UGT1A9: variants seen among roughly 807,000 people sequenced by gnomAD.
The protein encoded by UGT1A9 is UDP-glucuronosyltransferase 1A9.
UGT1A9 carries 35 observed loss-of-function variants against 45.0 expected under a neutral mutation model. The observed-to-expected ratio is 0.78, with a 90% CI of 0.59 to 1.03. The LOEUF is 1.03. UGT1A9 is among the 50% of genes least tolerant of loss of function. The probability of loss-of-function intolerance (pLI) is 0.00; values close to 1 mark genes in which losing one functional copy is unlikely to be tolerated. For missense variants in UGT1A9, 687 were observed against 666.6 expected, an observed-to-expected ratio of 1.03 and a Z score of -0.34; for synonymous variants, 278 against 250.6, an observed-to-expected ratio of 1.11 and a Z score of -1.03.
intron 1 of UGT1A9, among the ~76,000 whole-genome samples, chr2:233,749,630 C>T (rs1185419016): frequency 6.6e-6 from 1 of 151,806 alleles, no homozygotes. Context: ...CTCTGTATCC[C>T]CCACCAAATC....
At chr2:233,707,418 T>G (rs752536700) in intron 1 of UGT1A9, among the ~76,000 whole-genome samples, 16 of 152,316 alleles carry the variant, frequency 1.1e-4, no homozygotes, top group Admixed American at 2.6e-4. Flanking sequence ...CTCCCTCGAC[T>G]ATTTCTTTGC....
At chr2:233,691,650 A>T (rs1174278220) in intron 1 of UGT1A9, 8 of 984,910 alleles carry the variant, frequency 8.1e-6, no homozygotes, top group Non-Finnish European at 2.4e-6. Flanking sequence ...GGCCAGTGTG[A>T]CCCTCCCTTT....
At chr2:233,759,591 C>T (rs984696431) in intron 1 of UGT1A9, among the ~76,000 whole-genome samples, 2 of 147,100 alleles carry the variant, frequency 1.4e-5, no homozygotes, top group Non-Finnish European at 3.0e-5. Context: ...GCACGCCCCC[C>T]ACCCCCGACC....
chr2:233,687,959 T>C (rs573648451), intron 1 of UGT1A9, among the ~76,000 whole-genome samples: 2 of 152,348 alleles, frequency 1.3e-5, no homozygotes, highest in East Asian at 3.9e-4. Context: ...AAAATTGATA[T>C]GTAATTCATG....
chr2:233,698,051 C>G (rs902797385), intron 1 of UGT1A9, among the ~76,000 whole-genome samples: 1 of 152,112 alleles, frequency 6.6e-6, no homozygotes, highest in Non-Finnish European at 1.5e-5. Context: ...AAGTTGTACT[C>G]AGTTATATTG....
chr2:233,718,825 C>T (rs771343471), intron 1 of UGT1A9: 9 of 1,613,344 alleles, frequency 5.6e-6, no homozygotes, highest in African/African-American at 5.3e-5. Context: ...GCTGAGATGG[C>T]CAGAGGACTC....
At chr2:233,754,857 G>A (rs184077420) in intron 1 of UGT1A9, 3 of 1,349,946 alleles carry the variant, frequency 2.2e-6, no homozygotes, top group East Asian at 9.1e-5. Flanking sequence ...GAAAAGGGGT[G>A]CAGACCCTCT....
chr2:233,765,218 C>T (rs1413075025), intron 1 of UGT1A9, among the ~76,000 whole-genome samples: 1 of 152,118 alleles, frequency 6.6e-6, no homozygotes, highest in African/African-American at 2.4e-5. Flanking sequence ...GTATTCTTTG[C>T]AAACATAAAA....
chr2:233,755,131 T>C (rs1695774627), intron 1 of UGT1A9: 1 of 1,321,048 alleles, frequency 7.6e-7, no homozygotes, highest in African/African-American at 1.5e-5. Flanking sequence ...GCCACCTGCT[T>C]GAATCTTCTC....
intron 1 of UGT1A9, chr2:233,740,670 G>C (rs915333505): frequency 4.0e-5 from 6 of 151,870 alleles, no homozygotes; most frequent in African/African-American, 1.5e-4. Flanking sequence ...AGGTACAGGT[G>C]TTTCCATGGA....
At chr2:233,682,936 T>A in intron 1 of UGT1A9, 1 of 1,440,140 alleles carries the variant, frequency 6.9e-7, no homozygotes, top group Non-Finnish European at 9.2e-7. Context: ...CCAATTCACT[T>A]AATTGTTGGG....
At chr2:233,760,776 C>T in intron 1 of UGT1A9, 1 of 1,613,940 alleles carries the variant, frequency 6.2e-7, no homozygotes, top group Non-Finnish European at 8.5e-7. Flanking sequence ...TGGCCCAGTA[C>T]CTGTCTCTGC....
intron 1 of UGT1A9, among the ~76,000 whole-genome samples, chr2:233,731,531 G>A (rs1424894745): frequency 2.0e-5 from 3 of 152,100 alleles, no homozygotes; most frequent in African/African-American, 4.8e-5. Context: ...GAGAACATGC[G>A]GTGTTTGGTT....
intron 1 of UGT1A9, among the ~76,000 whole-genome samples, chr2:233,700,636 C>T (rs1374438438): frequency 6.6e-6 from 1 of 152,038 alleles, no homozygotes; most frequent in Admixed American, 6.5e-5. Context: ...GATTTAATGA[C>T]TTTAAGTGTT....
intron 1 of UGT1A9, chr2:233,713,397 G>C: frequency 6.2e-7 from 1 of 1,614,030 alleles, no homozygotes; most frequent in Non-Finnish European, 8.5e-7. Flanking sequence ...GCATAATGAG[G>C]CCCTGATCAG....
intron 1 of UGT1A9, among the ~76,000 whole-genome samples, chr2:233,675,474 G>A (rs545348972): frequency 6.6e-6 from 1 of 152,270 alleles, no homozygotes; most frequent in South Asian, 2.1e-4. Flanking sequence ...TCCATGGCAG[G>A]TGCGGCTCTG....
intron 1 of UGT1A9, among the ~76,000 whole-genome samples, chr2:233,714,456 G>T (rs1216186200): frequency 6.6e-6 from 1 of 152,164 alleles, no homozygotes; most frequent in Non-Finnish European, 1.5e-5. Flanking sequence ...GAGAGGGAGT[G>T]TTGGATTGTA....
chr2:233,748,954 C>G (rs1349169273), intron 1 of UGT1A9, among the ~76,000 whole-genome samples: 2 of 151,646 alleles, frequency 1.3e-5, no homozygotes, highest in Non-Finnish European at 2.9e-5. Context: ...TATCCCACTC[C>G]AAGTTTCTAT....
rs45489204 is a variant in UGT1A9 at position 233,712,384 on chromosome 2, G to A, written c.855+39595G>A. 7.4e-3 allele frequency among the ~76,000 whole-genome samples: 1,134 copies of A among 152,260 alleles called. 41 individuals are homozygous for A. Among genetic ancestry groups the A allele is most frequent in the Admixed American group, 0.052 (796 of 15,282 alleles). On this transcript the variant is annotated intron_variant, in intron 1 of 4. Coordinates refer to ENST00000354728, the MANE Select transcript of UGT1A9 (RefSeq NM_021027.3). ...CCCTGCAGCTTTTTTTATATTGACA[G>A]CCACTTCAGAGAGAGTCCTCTTTGA...
Sources: gnomAD v4.1 joint callset for allele counts (sites outside exome capture counted in the v4.1 genomes callset) on GRCh38, gnomAD v4.1.1 for gene constraint, MANE v1.5 for transcripts, NCBI Gene and HGNC (gene_info 2026-07-23, HGNC 2026-07-21) for gene names.